The following RALGAPA1 variants were observed in gnomAD, a reference collection of about 807,000 sequenced individuals.
The protein encoded by RALGAPA1 is ral GTPase-activating protein subunit alpha-1.
RALGAPA1 carries 52 observed loss-of-function variants against 269.6 expected under a neutral mutation model. The observed-to-expected ratio is 0.19, with a 90% CI of 0.15 to 0.24. The LOEUF is 0.24. Among genes scored for constraint, RALGAPA1 ranks in the 10% least tolerant of loss-of-function variants. The pLI is 1.00. For synonymous variants in RALGAPA1, 817 were observed against 1,008.3 expected, an observed-to-expected ratio of 0.81 and a Z score of 3.60; for missense variants, 1,917 against 3,013.9, an observed-to-expected ratio of 0.64 and a Z score of 8.52.
chr14:35,634,859 A>C (rs2061571982), intron 32 of RALGAPA1, 102 bp from the exon 33 acceptor site: 1 of 1,140,346 alleles, frequency 8.8e-7, no homozygotes. Flanking sequence ...GAGCCTGGCA[A>C]AGATTTTAAA....
At chr14:35,577,891 A>G (rs578007016) in intron 37 of RALGAPA1, among the ~76,000 whole-genome samples, 4 of 152,218 alleles carry the variant, frequency 2.6e-5, no homozygotes, top group African/African-American at 9.6e-5. Flanking sequence ...TCCTTACTAC[A>G]TTGCTAATGA....
chr14:35,766,800 G>A, intron 4 of RALGAPA1: 2 of 503,280 alleles, frequency 4.0e-6, no homozygotes, highest in Non-Finnish European at 8.1e-6. Flanking sequence ...ACCACCTTGA[G>A]TAAGGCAGTA....
At chr14:35,622,429 G>C (rs968495636) in intron 35 of RALGAPA1, among the ~76,000 whole-genome samples, 1 of 152,062 alleles carries the variant, frequency 6.6e-6, no homozygotes, top group Non-Finnish European at 1.5e-5. Context: ...TGAGTTGATG[G>C]GTGCAGAAAA....
chr14:35,774,925 T>C, intron 3 of RALGAPA1, 81 bp downstream of exon 3: 1 of 860,426 alleles, frequency 1.2e-6, no homozygotes, highest in Non-Finnish European at 1.9e-6. Flanking sequence ...TCATTACATG[T>C]TTTATAATTT....
chr14:35,750,039 G>T (rs1272729931), intron 9 of RALGAPA1, among the ~76,000 whole-genome samples: 2 of 152,028 alleles, frequency 1.3e-5, no homozygotes, highest in African/African-American at 2.4e-5. Context: ...GTATTGCTTT[G>T]TAATTTTATA....
chr14:35,553,000 G>T (rs564636150), intron 39 of RALGAPA1, among the ~76,000 whole-genome samples: 1 of 152,214 alleles, frequency 6.6e-6, no homozygotes, highest in African/African-American at 2.4e-5. Flanking sequence ...ACTGATCCTG[G>T]AAAGATAAGC....
chr14:35,742,704 C>A, intron 10 of RALGAPA1, 139 bp from the exon 11 acceptor site: 9 of 630,624 alleles, frequency 1.4e-5, no homozygotes, highest in Admixed American at 6.0e-5. Context: ...AAACAAAACT[C>A]ATTTTGCCAT....
At chr14:35,804,474 C>T (rs2077207583) in intron 1 of RALGAPA1, among the ~76,000 whole-genome samples, 1 of 151,756 alleles carries the variant, frequency 6.6e-6, no homozygotes, top group African/African-American at 2.4e-5. Flanking sequence ...GAGGCTGAGG[C>T]AGGAGACTTG....
intron 39 of RALGAPA1, among the ~76,000 whole-genome samples, chr14:35,563,020 C>CAAAAAAAAAAAAAAAAAA (rs71445944): frequency 1.3e-4 from 5 of 37,256 alleles, no homozygotes; most frequent in Admixed American, 4.2e-4. Flanking sequence ...GAGTCCGTCT[C>CAAAAAAAAAAAAAAAAAA]AAAAAAAAAA....
intron 17 of RALGAPA1, 108 bp downstream of exon 17, chr14:35,700,054 T>TC (rs2067218452): frequency 2.1e-6 from 2 of 969,290 alleles, no homozygotes; most frequent in African/African-American, 3.3e-5. Flanking sequence ...TTCCCACACC[T>TC]CCCCCAAAGA....
At position 35,750,583 on chromosome 14, in the gene RALGAPA1, T is replaced by C. The variant is rs2141248324; in HGVS notation, c.910A>G (p.Ile304Val). Residue 304 changes from isoleucine to valine, a missense_variant, in exon 9 of 42, where the codon ATT becomes GTT. Physicochemically the swap from Ile to Val is conservative, Grantham distance 29 (BLOSUM62 3). This residue lies in a region of RALGAPA1 where 462 missense variants were observed against 725.6 expected (regional missense o/e 0.64). Transcript: ENST00000680220. ...TKEPFIKARV[I>V]VIRWLVSFWL... ...AAAGAAACCAGCCAACGAATGACAATAACACGAGCCTTAATGAAAGGCTCC... is the reference window on the plus strand; with the variant it reads ...AAAGAAACCAGCCAACGAATGACAACAACACGAGCCTTAATGAAAGGCTCC... 1 of 1,613,024 alleles carries C rather than the reference T, an allele frequency of 6.2e-7. No individual in the cohort carries two copies. Among genetic ancestry groups the C allele is most frequent in the South Asian group, 1.1e-5 (1 of 91,050 alleles).
intron 21 of RALGAPA1, among the ~76,000 whole-genome samples, chr14:35,681,222 G>A (rs551956217): frequency 2.0e-5 from 3 of 152,290 alleles, no homozygotes; most frequent in South Asian, 4.1e-4. Context: ...TATACATTGT[G>A]TATATGGAGT....
chr14:35,670,294 T>C (rs1299917032), intron 26 of RALGAPA1, among the ~76,000 whole-genome samples: 1 of 152,222 alleles, frequency 6.6e-6, no homozygotes, highest in African/African-American at 2.4e-5. Context: ...TATGTTAAAC[T>C]GCTCTTCAAG....
chr14:35,733,617 A>G (rs1362425247), intron 12 of RALGAPA1, among the ~76,000 whole-genome samples: 1 of 152,202 alleles, frequency 6.6e-6, no homozygotes, highest in Non-Finnish European at 1.5e-5. Flanking sequence ...TACATCAAAA[A>G]GACTGAAACA....
chr14:35,547,236 C>A (rs1452144413), intron 41 of RALGAPA1, among the ~76,000 whole-genome samples: 2 of 152,076 alleles, frequency 1.3e-5, no homozygotes, highest in East Asian at 3.8e-4. Context: ...ACAACTTACA[C>A]AATAATTTTG....
chr14:35,792,530 C>T (rs536132803), intron 1 of RALGAPA1, among the ~76,000 whole-genome samples: 48 of 152,066 alleles, frequency 3.2e-4, no homozygotes, highest in African/African-American at 1.1e-3. Context: ...TGCCTGTAAT[C>T]CTAGCACTTT....
At chr14:35,598,925 T>G (rs754998867) in intron 36 of RALGAPA1, among the ~76,000 whole-genome samples, 1 of 152,226 alleles carries the variant, frequency 6.6e-6, no homozygotes, top group Non-Finnish European at 1.5e-5. Context: ...TCCTGCCTCC[T>G]GTGGCTAACT....
chr14:35,757,717 CA>C (rs1315918590), intron 6 of RALGAPA1, among the ~76,000 whole-genome samples: 9 of 152,224 alleles, frequency 5.9e-5, no homozygotes, highest in Admixed American at 3.9e-4. Context: ...AATGCAAATG[CA>C]AGAAAGTCAA....
chr14:35,560,407 T>C (rs571795167), intron 39 of RALGAPA1, among the ~76,000 whole-genome samples: 92 of 152,208 alleles, frequency 6.0e-4, no homozygotes, highest in Non-Finnish European at 1.1e-3. Context: ...TAAAAAATTC[T>C]TCCCTGACCA....
Sources: gnomAD v4.1 joint callset for allele counts (sites outside exome capture counted in the v4.1 genomes callset) on GRCh38, gnomAD v4.1.1 for gene constraint, gnomAD v4.1.1 regional missense constraint, MANE v1.5 for transcripts, NCBI Gene and HGNC (gene_info 2026-07-23, HGNC 2026-07-21) for gene names.